The following FAT2 variants were observed in gnomAD, a reference collection of about 807,000 sequenced individuals.
FAT2 encodes the protein protocadherin Fat 2.
A neutral mutation model predicts 295.3 loss-of-function variants in FAT2; 150 were observed. The ratio of observed to expected loss-of-function variants is 0.51; its 90% CI spans 0.44 to 0.58. FAT2 has a LOEUF of 0.58. Among genes scored for constraint, FAT2 ranks in the 20% least tolerant of loss-of-function variants. The pLI, the probability that FAT2 is intolerant of heterozygous loss-of-function variation, is 0.00. For synonymous variants in FAT2, 2,026 were observed against 2,150.3 expected, an observed-to-expected ratio of 0.94 and a Z score of 1.60; for missense variants, 4,868 against 5,442.7, an observed-to-expected ratio of 0.89 and a Z score of 3.32.
chr5:151,572,760 G>T (rs561305713), intron 1 of FAT2, among the ~76,000 whole-genome samples: 1 of 152,354 alleles, frequency 6.6e-6, no homozygotes, highest in Middle Eastern at 3.4e-3. Flanking sequence ...CTGGGTTGAG[G>T]GTGGGGTCCG....
chr5:151,521,598 G>A lies in FAT2; in HGVS notation c.10995C>T (p.Asn3665=). 1.2e-6 allele frequency: 2 copies of A among 1,614,206 alleles called. No homozygotes were observed. Among genetic ancestry groups the A allele is most frequent in the Non-Finnish European group, 1.7e-6 (2 of 1,180,028 alleles). The change falls in exon 19 of 24, where the codon AAC becomes AAT. Residue 3665 remains asparagine, a synonymous_variant. Transcript: ENST00000261800. ...CAGGCTGGAGGCTGGCCAAGTGAAT[G>A]TTAGCCCGTTTGATGTCCAGCTTAT... ...LSHKLDIKRA[N]IHLASLQPAE...
intron 6 of FAT2, 41 bp downstream of exon 6, chr5:151,553,136 G>T (rs767403624): frequency 1.3e-6 from 2 of 1,584,216 alleles, no homozygotes; most frequent in Admixed American, 3.3e-5. Context: ...GTATAAGGAT[G>T]GGAGGGGTTG....
chr5:151,532,127 G>T (rs889359556), intron 13 of FAT2, among the ~76,000 whole-genome samples, 157 bp from the exon 14 acceptor site: 6 of 152,196 alleles, frequency 3.9e-5, no homozygotes, highest in East Asian at 3.8e-4. Context: ...CTCCAGCGGG[G>T]TGTCTTGACT....
chr5:151,535,413 T>C (rs922352843), intron 12 of FAT2, among the ~76,000 whole-genome samples: 12 of 152,042 alleles, frequency 7.9e-5, no homozygotes, highest in Non-Finnish European at 1.6e-4. Flanking sequence ...GGGGAAATAA[T>C]GCTGACATCA....
upstream of FAT2, among the ~76,000 whole-genome samples, chr5:151,591,634 A>C (rs1196850846): frequency 1.6e-5 from 2 of 123,284 alleles, no homozygotes; most frequent in African/African-American, 6.2e-5. Context: ...GGCTGTCAGA[A>C]CAGTAGTGTT....
Position 151,531,840 on chromosome 5 carries a change from C to G in FAT2, c.9558G>C (p.Thr3186=), listed in dbSNP as rs780181299. ...GGGTGCCCAGGTCAGAGGCACGGAC[C>G]GTGAGCTCCAGTGGTGCCTGGGGCC... is the stretch of plus-strand genomic sequence containing the variant. ...QVRPQAPLEL[T]VRASDLGTPI... is the part of the protein sequence containing the mutation. Residue 3186 remains threonine (T), a synonymous_variant, in exon 14 of 24, where the codon ACG becomes ACC. Coordinates refer to ENST00000261800, the MANE Select transcript of FAT2 (RefSeq NM_001447.3). This position sits in a 1 kb window ranked among gnomAD's most constrained non-coding sequence, Gnocchi z 5.7. 1 of 1,614,030 alleles carries G rather than the reference C, an allele frequency of 6.2e-7. No homozygotes were observed. The highest frequency in any genetic ancestry group is 8.5e-7 in the Non-Finnish European group (1 of 1,180,014).
rs1440461773 is a variant in FAT2, at chr5:151,529,302, A to G, written c.9902T>C (p.Leu3301Pro). 3.7e-6 allele frequency: 6 copies of G among 1,613,986 alleles called. No homozygotes were observed. The highest frequency in any genetic ancestry group is 5.1e-6 in the Non-Finnish European group (6 of 1,180,006). The change falls in exon 15 of 24, where the codon CTC becomes CCC. Residue 3301 changes from leucine to proline, a missense_variant. Physicochemically the swap from Leu to Pro is moderately conservative, Grantham distance 98. This residue lies in a region of FAT2 where 1,046 missense variants were observed against 1,210.1 expected (regional missense o/e 0.86). Transcript: ENST00000261800. ...GACCATGACTGTGGTCACGTCACTG[A>G]GGGAAGAGGAGCTCTTCCGGCTGCA... is the stretch of plus-strand genomic sequence containing the variant. ...IECSRKSSSS[L>P]SDVTTVMVNI...
At position 151,531,512 on chromosome 5, in the gene FAT2, C is replaced by T. The variant is rs2127590732; in HGVS notation, c.9811+75G>A. On this transcript the variant is annotated intron_variant, in intron 14 of 23. Transcript: ENST00000261800. This position sits in a 1 kb window ranked among gnomAD's most constrained non-coding sequence, Gnocchi z 5.7. ...GGAGGCGCTGCACAGGGTAGATACC[C>T]ACACAGGGGAGGAACCCAGCGCTCC... 6.3e-7 allele frequency: 1 copy of T among 1,580,202 alleles called. No homozygotes were observed. Among genetic ancestry groups the T allele is most frequent in the Non-Finnish European group, 8.6e-7 (1 of 1,160,788 alleles).
rs1561854050 is a variant in FAT2, at chr5:151,545,354, T to C, written c.5773A>G (p.Ile1925Val). The C allele has an allele frequency of 2.5e-6, 4 of 1,614,022 alleles. No individual in the cohort carries two copies. The highest frequency in any genetic ancestry group is 3.4e-6 in the Non-Finnish European group (4 of 1,180,040). Reference sequence around the variant, plus strand: ...AGGAAAGCAGGATTCAGCACAGATATGCTACCAGTGACAGGATGGATGGTA... The same window carrying C: ...AGGAAAGCAGGATTCAGCACAGATACGCTACCAGTGACAGGATGGATGGTA... ...AVTIHPVTGSISVLNPAFLGL... is the reference protein window; with the variant it reads ...AVTIHPVTGSVSVLNPAFLGL... The change falls in exon 10 of 24, where the codon ATA becomes GTA. Residue 1925 changes from isoleucine (I) to valine (V), a missense_variant. Around this residue, in one of 5 missense-constraint regions of FAT2, gnomAD observed 3,297 missense variants for 3,669.4 expected, o/e 0.90. Transcript: ENST00000261800.
chr5:151,572,869 C>A (rs1258798597), intron 1 of FAT2, among the ~76,000 whole-genome samples: 1 of 152,196 alleles, frequency 6.6e-6, no homozygotes, highest in Non-Finnish European at 1.5e-5. Context: ...ACAGACTGTT[C>A]CGGGAAGCTG....
intron 19 of FAT2, among the ~76,000 whole-genome samples, chr5:151,518,348 C>CTAA (rs3056491): frequency 0.057 from 5,801 of 101,440 alleles, 272 homozygotes; most frequent in African/African-American, 0.13. Context: ...GACCATGTCT[C>CTAA]TAATAATAAT....
intron 1 of FAT2, among the ~76,000 whole-genome samples, chr5:151,573,826 A>G (rs1581463704): frequency 6.6e-6 from 1 of 152,190 alleles, no homozygotes; most frequent in Non-Finnish European, 1.5e-5. Flanking sequence ...TGATTCCGAC[A>G]TTCAGAAACC....
At chr5:151,551,275 A>G (rs1757183242) in intron 7 of FAT2, among the ~76,000 whole-genome samples, 192 bp downstream of exon 7, 1 of 152,214 alleles carries the variant, frequency 6.6e-6, no homozygotes, top group African/African-American at 2.4e-5. Context: ...CCAATTATAG[A>G]CAGATCCAGA....
Position 151,565,575 on chromosome 5 carries a change from G to A in FAT2, c.3259+98C>T, listed in dbSNP as rs891665786. On this transcript the variant is annotated intron_variant, in intron 2 of 23. Transcript: ENST00000261800. ...TTATTGCCTTTCATTTCAGCCTGCA[G>A]GCTGACTCCTTTTTCCTTCAGCCCG... The A allele has an allele frequency of 7.2e-6, 9 of 1,258,240 alleles. No individual in the cohort carries two copies. In the African/African-American group the frequency reaches 1.1e-4, roughly 15 times the overall value. 77.9% of individuals were successfully genotyped at this position (1,258,240 alleles called of 1,614,324 possible). A position where few individuals can be genotyped will look rare whatever the true frequency, so the allele number is the denominator to read the frequency against.
Position 151,534,659 on chromosome 5 carries a change from CA to C in FAT2, c.9194-18del. 1 of 1,595,802 alleles carries C rather than the reference CA, an allele frequency of 6.3e-7. No homozygotes were observed. Among genetic ancestry groups the C allele is most frequent in the Non-Finnish European group, 8.6e-7 (1 of 1,164,622 alleles). On this transcript the variant is annotated intron_variant, in intron 12 of 23. Coordinates refer to ENST00000261800, the MANE Select transcript of FAT2 (RefSeq NM_001447.3). ...TCAGCTCCCCTGGTCGGAGAAATGA[CA>C]AAAGTTGAGCTTTCTCTGGGGAAAT... is the stretch of plus-strand genomic sequence containing the variant.
chr5:151,520,513 C>G (rs553559219), intron 19 of FAT2, among the ~76,000 whole-genome samples: 3 of 152,310 alleles, frequency 2.0e-5, no homozygotes, highest in Non-Finnish European at 4.4e-5. Flanking sequence ...GTGTGGCGTA[C>G]AGCAGGCTCC....
Position 151,505,864 on chromosome 5 carries a change from G to C in FAT2, c.12751C>G (p.Leu4251Val). ...PRYSNQNLED[L>V]MPSRPPSPRE... ...GGACTAGGGGGCCGAGAGGGCATCAGATCTTCCAGGTTCTGGTTGCTGTAA... is the reference window on the plus strand; with the variant it reads ...GGACTAGGGGGCCGAGAGGGCATCACATCTTCCAGGTTCTGGTTGCTGTAA... The change falls in exon 24 of 24, where the codon CTG (leucine) becomes GTG (valine). Residue 4251 changes from leucine to valine, a missense_variant. Transcript: ENST00000261800. The C allele has an allele frequency of 6.2e-7, 1 of 1,608,392 alleles. No individual in the cohort carries two copies. The highest frequency in any genetic ancestry group is 8.5e-7 in the Non-Finnish European group (1 of 1,178,422).
chr5:151,511,527 T>C (rs1761322300), intron 21 of FAT2: 1 of 152,734 alleles, frequency 6.5e-6, no homozygotes. Flanking sequence ...AGGAGACATA[T>C]AGGAGAATGC....
At chr5:151,536,013 G>GA (rs998900425) in intron 12 of FAT2, among the ~76,000 whole-genome samples, 7 of 152,256 alleles carry the variant, frequency 4.6e-5, no homozygotes, top group Admixed American at 3.9e-4. Flanking sequence ...GCTGAGTGAA[G>GA]AAAAGCAAGT....
Sources: gnomAD v4.1 joint callset for allele counts (sites outside exome capture counted in the v4.1 genomes callset) on GRCh38, gnomAD v4.1.1 for gene constraint, gnomAD v4.1.1 regional missense constraint, Gnocchi (gnomAD v3.1) non-coding constraint, MANE v1.5 for transcripts, NCBI Gene and HGNC (gene_info 2026-07-23, HGNC 2026-07-21) for gene names.